FAM149B1: variants seen among roughly 807,000 people sequenced by gnomAD.
FAM149B1 encodes the protein primary cilium assembly protein FAM149B1.
A neutral mutation model predicts 75.3 loss-of-function variants in FAM149B1; 56 were observed. The ratio of observed to expected loss-of-function variants is 0.74; its 90% confidence interval spans 0.60 to 0.93. FAM149B1 has a LOEUF of 0.93. Ranked by LOEUF, FAM149B1 falls within the 40% of genes least tolerant of loss-of-function variation. The probability of loss-of-function intolerance (pLI) is 0.00; values close to 1 mark genes in which losing one functional copy is unlikely to be tolerated. For missense variants in FAM149B1, 639 were observed against 708.4 expected, an observed-to-expected ratio of 0.90 and a Z score of 1.11; for synonymous variants, 259 against 256.1, an observed-to-expected ratio of 1.01 and a Z score of -0.11.
chr10:73,177,165 C>G (rs761263019), intron 2 of FAM149B1, among the ~76,000 whole-genome samples: 10 of 151,882 alleles, frequency 6.6e-5, no homozygotes, highest in Non-Finnish European at 1.3e-4. Flanking sequence ...TTTCGCACCA[C>G]TGCATTCCAG....
intron 2 of FAM149B1, among the ~76,000 whole-genome samples, chr10:73,175,558 T>A (rs1263482446): frequency 1.3e-5 from 2 of 150,142 alleles, no homozygotes; most frequent in Non-Finnish European, 3.0e-5. Context: ...TAGTCCCAGC[T>A]ACTCAGGAGG....
intron 3 of FAM149B1, among the ~76,000 whole-genome samples, chr10:73,184,187 T>G (rs1335056717): frequency 6.6e-6 from 1 of 151,966 alleles, no homozygotes; most frequent in Non-Finnish European, 1.5e-5. Context: ...CTGCTTGAAT[T>G]TGAACTAAGA....
chr10:73,220,452 A>G (rs1349291389), intron 7 of FAM149B1, among the ~76,000 whole-genome samples: 3 of 152,216 alleles, frequency 2.0e-5, no homozygotes, highest in Admixed American at 6.5e-5. Flanking sequence ...ACATATATCC[A>G]TACAAAAACT....
rs550079425 is a variant in FAM149B1, at chr10:73,191,413, C to T, written c.283-1143C>T. Among the ~76,000 whole-genome samples the T allele has an allele frequency of 7.3e-5, 11 of 151,672 alleles. No homozygotes were observed. The East Asian group carries it at 1.6e-3, about 21-fold the overall frequency. The stretch of plus-strand genomic sequence containing the variant: ...GTGCAATAGCACAATCTCGGCTCAC[C>T]GCAACCTCCGCCTCCCAGGTTCAGG... On this transcript the variant is annotated intron_variant, in intron 3 of 13. Transcript: ENST00000242505.
chr10:73,220,262 G>T (rs949793302), intron 7 of FAM149B1, among the ~76,000 whole-genome samples: 6 of 151,874 alleles, frequency 4.0e-5, no homozygotes, highest in Non-Finnish European at 7.4e-5. Flanking sequence ...TTTCTTAAAA[G>T]AAAAATAACA....
rs2043962860 is a variant in FAM149B1, at chr10:73,242,216, C to G, written c.*1197C>G. The G allele has an allele frequency of 6.6e-6, 1 of 152,090 alleles. No individual in the cohort carries two copies. The highest frequency in any genetic ancestry group is 2.4e-5 in the African/African-American group (1 of 41,408). The allele number at this position is 152,090 out of a possible 1,614,324, so 9.4% of individuals were successfully genotyped here. On this transcript the variant is annotated 3_prime_UTR_variant, in exon 14 of 14. Coordinates refer to ENST00000242505, the MANE Select transcript of FAM149B1 (RefSeq NM_173348.2). ...ACAAACCGAAAACGTGTCGTCTTTA[C>G]CTTAGAGCTAAAGGCTTACTTTATG... is the stretch of plus-strand genomic sequence containing the variant.
chr10:73,235,551 TTAAGA>T (rs1361195518), intron 12 of FAM149B1: 8 of 894,038 alleles, frequency 8.9e-6, no homozygotes, highest in South Asian at 7.4e-5. Context: ...AATTTAACAC[TTAAGA>T]TATGTCTGAC....
chr10:73,218,567 T>C (rs1432367672), intron 7 of FAM149B1, among the ~76,000 whole-genome samples: 1 of 152,206 alleles, frequency 6.6e-6, no homozygotes, highest in East Asian at 1.9e-4. Flanking sequence ...AGGGTCCTGC[T>C]TGAATGGCTG....
intron 5 of FAM149B1, among the ~76,000 whole-genome samples, chr10:73,198,228 T>C (rs771723778): frequency 1.8e-4 from 28 of 152,184 alleles, no homozygotes; most frequent in Admixed American, 7.2e-4. Context: ...AAGACCTAAA[T>C]GTAAGATGTA....
At chr10:73,210,656 C>A (rs766272440) in intron 7 of FAM149B1, among the ~76,000 whole-genome samples, 1 of 151,964 alleles carries the variant, frequency 6.6e-6, no homozygotes, top group Non-Finnish European at 1.5e-5. Context: ...GATCCCATCT[C>A]TCTAAAAAAA....
chr10:73,226,378 A>C (rs2133392912), intron 7 of FAM149B1, among the ~76,000 whole-genome samples: 1 of 152,168 alleles, frequency 6.6e-6, no homozygotes, highest in Middle Eastern at 3.4e-3. Flanking sequence ...GGTGGCGGGC[A>C]CCTGTAGTCC....
intron 13 of FAM149B1, among the ~76,000 whole-genome samples, chr10:73,239,958 TCTG>T (rs2043904638): frequency 6.6e-6 from 1 of 152,204 alleles, no homozygotes; most frequent in African/African-American, 2.4e-5. Context: ...ACAGTCTCAC[TCTG>T]CTGATCAGGC....
chr10:73,195,107 T>A (rs1398718449), intron 5 of FAM149B1, among the ~76,000 whole-genome samples: 1 of 152,222 alleles, frequency 6.6e-6, no homozygotes, highest in African/African-American at 2.4e-5. Context: ...TAAAATATAA[T>A]ATCATAGTTT....
chr10:73,188,424 A>T (rs1589146372), intron 3 of FAM149B1, among the ~76,000 whole-genome samples: 1 of 152,350 alleles, frequency 6.6e-6, no homozygotes, highest in East Asian at 1.9e-4. Context: ...CATAAATAGG[A>T]CACACCAAAA....
intron 4 of FAM149B1, 79 bp from the exon 5 acceptor site, chr10:73,193,398 A>G (rs751567075): frequency 7.8e-6 from 11 of 1,417,438 alleles, no homozygotes; most frequent in Non-Finnish European, 1.0e-5. Context: ...GAGCCATCAA[A>G]TGTGTCCAAA....
intron 7 of FAM149B1, among the ~76,000 whole-genome samples, chr10:73,226,967 A>C (rs2043567808): frequency 6.6e-6 from 1 of 152,220 alleles, no homozygotes; most frequent in South Asian, 2.1e-4. Flanking sequence ...GTGAACTGTA[A>C]CCTCAAAGTA....
chr10:73,183,974 A>G (rs935171480), intron 3 of FAM149B1, among the ~76,000 whole-genome samples: 5 of 152,190 alleles, frequency 3.3e-5, no homozygotes, highest in African/African-American at 1.2e-4. Context: ...CCTGGCTGGG[A>G]CAAACAATGG....
At chr10:73,224,540 C>T (rs1049456802) in intron 7 of FAM149B1, among the ~76,000 whole-genome samples, 2 of 145,224 alleles carry the variant, frequency 1.4e-5, no homozygotes, top group Non-Finnish European at 3.0e-5. Flanking sequence ...GGTGTGATCT[C>T]GGCTCACTGC....
chr10:73,177,172 C>A (rs767455525), intron 2 of FAM149B1, among the ~76,000 whole-genome samples: 5 of 150,400 alleles, frequency 3.3e-5, no homozygotes, highest in Non-Finnish European at 5.9e-5. Flanking sequence ...CCACTGCATT[C>A]CAGCCTGGGT....
Sources: gnomAD v4.1 joint callset for allele counts (sites outside exome capture counted in the v4.1 genomes callset) on GRCh38, gnomAD v4.1.1 for gene constraint, MANE v1.5 for transcripts, NCBI Gene and HGNC (gene_info 2026-07-23, HGNC 2026-07-21) for gene names.